GALNT13: variants seen among roughly 807,000 people sequenced by gnomAD.
GALNT13 encodes the protein UDP-GalNAc:polypeptide N-acetylgalactosaminyltransferase 13.
GALNT13 carries 28 observed loss-of-function variants against 64.2 expected under a neutral mutation model. The observed-to-expected ratio is 0.44, with a 90% CI of 0.32 to 0.60. GALNT13 has a LOEUF of 0.60. GALNT13 is among the 20% of genes least tolerant of loss of function. The pLI is 0.05. For missense variants in GALNT13, 577 were observed against 669.8 expected, an observed-to-expected ratio of 0.86 and a Z score of 1.53; for synonymous variants, 214 against 224.6, an observed-to-expected ratio of 0.95 and a Z score of 0.42.
chr2:153,935,118 C>T (rs888765672), intron 2 of GALNT13, among the ~76,000 whole-genome samples: 2 of 152,146 alleles, frequency 1.3e-5, no homozygotes, highest in East Asian at 1.9e-4. Context: ...TGACTTTACT[C>T]ATGTTTCCCT....
the GALNT13 span, among the ~76,000 whole-genome samples, chr2:153,567,344 T>C: frequency 6.6e-6 from 1 of 152,212 alleles, no homozygotes; most frequent in Non-Finnish European, 1.5e-5. Context: ...GAATTCTGGA[T>C]AGACAGATGC....
the GALNT13 span, among the ~76,000 whole-genome samples, chr2:153,070,703 C>T: frequency 9.2e-5 from 14 of 152,224 alleles, no homozygotes; most frequent in East Asian, 1.5e-3. Context: ...ATGGAGACAC[C>T]GGAAGTACTA....
the GALNT13 span, among the ~76,000 whole-genome samples, chr2:153,502,640 T>C: frequency 6.6e-6 from 1 of 152,248 alleles, no homozygotes; most frequent in Admixed American, 6.5e-5. Flanking sequence ...TTAGATCTAC[T>C]TTTAGTTCAT....
the GALNT13 span, among the ~76,000 whole-genome samples, chr2:153,192,203 G>T: frequency 0.17 from 25,284 of 151,534 alleles, 2,244 homozygotes; most frequent in African/African-American, 0.18. Context: ...TCTTAGCATT[G>T]TTTTTGCTAT....
chr2:154,288,226 A>G (rs1692389896), intron 8 of GALNT13, among the ~76,000 whole-genome samples: 1 of 152,054 alleles, frequency 6.6e-6, no homozygotes, highest in South Asian at 2.1e-4. Flanking sequence ...TTACTATCAC[A>G]AGAACAGCAG....
chr2:153,091,311 C>G, the GALNT13 span, among the ~76,000 whole-genome samples: 30,097 of 151,954 alleles, frequency 0.2, 3,328 homozygotes, highest in Non-Finnish European at 0.25. Context: ...CTTCCTGTTG[C>G]TGCTTCTACT....
At chr2:153,497,223 C>T in the GALNT13 span, among the ~76,000 whole-genome samples, 1 of 152,044 alleles carries the variant, frequency 6.6e-6, no homozygotes, top group African/African-American at 2.4e-5. Context: ...TCTCACGGAG[C>T]ACTAAATATA....
chr2:153,747,881 C>G, the GALNT13 span, among the ~76,000 whole-genome samples: 13 of 152,186 alleles, frequency 8.5e-5, no homozygotes, highest in South Asian at 4.1e-4. Context: ...GAATAGTATT[C>G]CATTTTATAT....
intron 3 of GALNT13, among the ~76,000 whole-genome samples, chr2:153,950,994 G>T (rs1459786207): frequency 6.6e-6 from 1 of 151,614 alleles, no homozygotes; most frequent in South Asian, 2.1e-4. Flanking sequence ...AACACTAAAA[G>T]TAACTAAAAT....
At chr2:154,263,938 C>G (rs1690839477) in intron 8 of GALNT13, among the ~76,000 whole-genome samples, 1 of 152,176 alleles carries the variant, frequency 6.6e-6, no homozygotes, top group African/African-American at 2.4e-5. Context: ...ACAAGGAAAG[C>G]CTTACAATTG....
At chr2:153,295,085 C>A in the GALNT13 span, among the ~76,000 whole-genome samples, 1 of 152,096 alleles carries the variant, frequency 6.6e-6, no homozygotes, top group East Asian at 1.9e-4. Context: ...GATGGACTCT[C>A]CTGGTGGTGT....
At chr2:153,483,121 G>A in the GALNT13 span, among the ~76,000 whole-genome samples, 3 of 152,284 alleles carry the variant, frequency 2.0e-5, no homozygotes, top group African/African-American at 7.2e-5. Flanking sequence ...GTGCATTGCT[G>A]GTGGGCATGT....
the GALNT13 span, among the ~76,000 whole-genome samples, chr2:153,393,708 C>T: frequency 1.3e-5 from 2 of 152,024 alleles, no homozygotes; most frequent in Non-Finnish European, 2.9e-5. Flanking sequence ...AGATAGGCAA[C>T]CCTCCATAAT....
intron 8 of GALNT13, among the ~76,000 whole-genome samples, chr2:154,292,138 C>T (rs1163708717): frequency 6.6e-6 from 1 of 152,052 alleles, no homozygotes; most frequent in African/African-American, 2.4e-5. Flanking sequence ...GTGAGTATTT[C>T]TCAGTAGTCT....
the GALNT13 span, among the ~76,000 whole-genome samples, chr2:153,501,540 C>T: frequency 6.6e-6 from 1 of 152,038 alleles, no homozygotes; most frequent in East Asian, 1.9e-4. Context: ...CCATGTTGGC[C>T]AGGCTGGTCT....
Position 154,412,966 on chromosome 2 carries a change from A to T in GALNT13, c.1395+3884A>T, listed in dbSNP as rs180689672. On this transcript the variant is annotated intron_variant, in intron 11 of 12. Coordinates refer to ENST00000392825, the MANE Select transcript of GALNT13 (RefSeq NM_052917.4). ...TGAAAAGAATAAGAATAATTTGATT[A>T]ACTTGAATATAAACTTTTACAAGTG... 1.2e-4 allele frequency among the ~76,000 whole-genome samples: 19 copies of T among 152,072 alleles called. No individual in the cohort carries two copies. In the East Asian group the frequency reaches 3.3e-3, roughly 26 times the overall value.
At chr2:153,912,497 G>A (rs1057505683) in intron 2 of GALNT13, among the ~76,000 whole-genome samples, 1 of 152,120 alleles carries the variant, frequency 6.6e-6, no homozygotes, top group African/African-American at 2.4e-5. Flanking sequence ...TTTTTGAGCT[G>A]TCAGAGTTCT....
At chr2:153,661,348 G>C in the GALNT13 span, among the ~76,000 whole-genome samples, 1 of 152,164 alleles carries the variant, frequency 6.6e-6, no homozygotes, top group African/African-American at 2.4e-5. Flanking sequence ...AAATCACTGG[G>C]ACCTGAAGAT....
At chr2:153,577,805 T>C in the GALNT13 span, among the ~76,000 whole-genome samples, 1 of 150,872 alleles carries the variant, frequency 6.6e-6, no homozygotes, top group Non-Finnish European at 1.5e-5. Context: ...ATAAATATAT[T>C]CTATTTCTAT....
Sources: gnomAD v4.1 joint callset for allele counts (sites outside exome capture counted in the v4.1 genomes callset) on GRCh38, gnomAD v4.1.1 for gene constraint, MANE v1.5 for transcripts, NCBI Gene and HGNC (gene_info 2026-07-23, HGNC 2026-07-21) for gene names.